Variants in RGS6 observed in about 807,000 individuals in gnomAD.
The protein encoded by RGS6 is regulator of G-protein signaling 6.
In RGS6, 30 loss-of-function variants were observed where a neutral mutation model predicts 78.5. That is an observed-to-expected ratio of 0.38 (90% CI 0.29 to 0.52). The LOEUF (loss-of-function observed/expected upper bound fraction) is 0.52. RGS6 is among the 20% of genes least tolerant of loss of function. RGS6 has a pLI of 0.85. For missense variants in RGS6, 495 were observed against 609.7 expected (o/e 0.81, Z 1.98); for synonymous variants, 206 against 206.0 (o/e 1.00, Z 0.00).
At chr14:72,068,558 C>T (rs1053610761) in intron 2 of RGS6, among the ~76,000 whole-genome samples, 15 of 142,716 alleles carry the variant, frequency 1.1e-4, no homozygotes, top group Middle Eastern at 8.2e-3. Context: ...AGTGCAGTGG[C>T]GCAATCTTGG....
chr14:71,948,526 C>G (rs1566889453), intron 1 of RGS6, among the ~76,000 whole-genome samples: 1 of 152,186 alleles, frequency 6.6e-6, no homozygotes, highest in Admixed American at 6.5e-5. Context: ...TTCAAACATA[C>G]AGTTCTACTG....
chr14:72,162,181 A>T (rs1475950990), intron 2 of RGS6, among the ~76,000 whole-genome samples: 1 of 27,816 alleles, frequency 3.6e-5, no homozygotes, highest in Non-Finnish European at 8.7e-5. Context: ...TAATTAGTAC[A>T]GCAGAAAAAA....
At chr14:72,241,481 A>G (rs772056700) in intron 2 of RGS6, among the ~76,000 whole-genome samples, 4 of 152,186 alleles carry the variant, frequency 2.6e-5, no homozygotes, top group Non-Finnish European at 4.4e-5. Context: ...CTAAGAAGGA[A>G]CAAAAATTGC....
At chr14:72,540,839 G>T (rs17117164) in intron 17 of RGS6, 118,350 of 985,248 alleles carry the variant, frequency 0.12, 7,224 homozygotes, top group South Asian at 0.17. Context: ...CAGGTTCATG[G>T]TACGCCCCAG....
chr14:72,338,011 A>G (rs1395814625), intron 2 of RGS6, among the ~76,000 whole-genome samples: 1 of 152,212 alleles, frequency 6.6e-6, no homozygotes, highest in East Asian at 1.9e-4. Flanking sequence ...GGAAGCAAAG[A>G]ATTTGGAAGT....
the RGS6 span, among the ~76,000 whole-genome samples, chr14:72,627,291 A>G: frequency 6.6e-6 from 1 of 152,086 alleles, no homozygotes; most frequent in Admixed American, 6.5e-5. Context: ...TACTTTGTAC[A>G]TTTAGATCCC....
intron 3 of RGS6, among the ~76,000 whole-genome samples, chr14:72,404,319 G>C (rs1371593311): frequency 6.6e-6 from 1 of 152,182 alleles, no homozygotes; most frequent in Middle Eastern, 3.2e-3. Context: ...AATTCTGGAT[G>C]GATGGGATAA....
chr14:72,360,415 G>A (rs529416153), intron 3 of RGS6, among the ~76,000 whole-genome samples: 8 of 151,994 alleles, frequency 5.3e-5, no homozygotes, highest in East Asian at 1.9e-4. Flanking sequence ...CCAGCTACTC[G>A]GGAGGCTGAG....
At chr14:72,215,277 T>A (rs2045288981) in intron 2 of RGS6, among the ~76,000 whole-genome samples, 1 of 152,200 alleles carries the variant, frequency 6.6e-6, no homozygotes, top group Non-Finnish European at 1.5e-5. Flanking sequence ...ATGCAGACCA[T>A]CATCTCTTTG....
In RGS6 at chr14:72,553,764, C is replaced by T. The variant is rs2097536388; in HGVS notation, c.1423-8653C>T. ...ATCCAATAACAGCATCCTTAGGCTTCATTTCCTGGTGAAAGCTTCCATAAC... is the reference window on the plus strand; with the variant it reads ...ATCCAATAACAGCATCCTTAGGCTTTATTTCCTGGTGAAAGCTTCCATAAC... On this transcript the variant is annotated intron_variant, in intron 17 of 17. Coordinates refer to ENST00000553525, the MANE Select transcript of RGS6 (RefSeq NM_001204424.2). Among the ~76,000 whole-genome samples the T allele has an allele frequency of 2.6e-5, 4 of 152,346 alleles. No individual in the cohort carries two copies. In the South Asian group the frequency reaches 8.3e-4, roughly 32 times the overall value.
intron 2 of RGS6, among the ~76,000 whole-genome samples, chr14:72,022,005 TATAAG>T (rs1009868890): frequency 5.3e-5 from 8 of 152,142 alleles, no homozygotes; most frequent in South Asian, 4.1e-4. Flanking sequence ...AGCTCCCACT[TATAAG>T]AGAGAACATG....
chr14:72,187,613 A>AT (rs2097264563), intron 2 of RGS6, among the ~76,000 whole-genome samples: 1 of 152,142 alleles, frequency 6.6e-6, no homozygotes. Context: ...GGACACCCTG[A>AT]TTTTAAACAC....
chr14:72,083,133 C>G (rs1459298376), intron 2 of RGS6, among the ~76,000 whole-genome samples: 2 of 152,142 alleles, frequency 1.3e-5, no homozygotes, highest in East Asian at 3.8e-4. Flanking sequence ...GAAAACTTGC[C>G]TATAAGGTCT....
intron 15 of RGS6, among the ~76,000 whole-genome samples, chr14:72,524,758 T>C (rs558264095): frequency 1.8e-4 from 28 of 152,306 alleles, no homozygotes; most frequent in African/African-American, 6.3e-4. Context: ...GCAGAGCTTA[T>C]CTAAAAGCAC....
At chr14:72,028,405 CT>C (rs1013191872) in intron 2 of RGS6, among the ~76,000 whole-genome samples, 1 of 152,318 alleles carries the variant, frequency 6.6e-6, no homozygotes, top group Non-Finnish European at 1.5e-5. Context: ...TTCTTTCATC[CT>C]TCCTCCTTCT....
intron 2 of RGS6, among the ~76,000 whole-genome samples, chr14:71,968,103 T>C (rs138510076): frequency 5.6e-4 from 86 of 152,340 alleles, no homozygotes; most frequent in African/African-American, 2.0e-3. Context: ...TAATTATTCA[T>C]GAAGACACCC....
the RGS6 span, among the ~76,000 whole-genome samples, chr14:72,576,499 A>G: frequency 6.6e-6 from 1 of 152,246 alleles, no homozygotes; most frequent in Non-Finnish European, 1.5e-5. Context: ...CTGTAATCTC[A>G]TAGAATGCTT....
chr14:71,970,599 G>C (rs1170338216), intron 2 of RGS6, among the ~76,000 whole-genome samples: 1 of 152,176 alleles, frequency 6.6e-6, no homozygotes, highest in East Asian at 1.9e-4. Flanking sequence ...GTAGAAGCCA[G>C]CACAATTGAG....
intron 2 of RGS6, among the ~76,000 whole-genome samples, chr14:71,972,200 G>C (rs552850887): frequency 6.6e-6 from 1 of 151,896 alleles, no homozygotes. Flanking sequence ...ATAGTAAGAA[G>C]TCACTAGGTC....
Sources: gnomAD v4.1 joint callset for allele counts (sites outside exome capture counted in the v4.1 genomes callset) on GRCh38, gnomAD v4.1.1 for gene constraint, MANE v1.5 for transcripts, NCBI Gene and HGNC (gene_info 2026-07-23, HGNC 2026-07-21) for gene names.